Variants in ADAM32 observed in about 807,000 individuals in gnomAD.
The protein encoded by ADAM32 is ADAM metallopeptidase domain 32.
Under a neutral mutation model 114.9 loss-of-function variants are expected in ADAM32, and 89 were observed. The ratio of observed to expected loss-of-function variants is 0.77; its 90% CI spans 0.65 to 0.92. The LOEUF is 0.92. ADAM32 is among the 40% of genes least tolerant of loss of function. The pLI is 0.00. For synonymous variants in ADAM32, 285 were observed against 307.5 expected, an observed-to-expected ratio of 0.93 and a Z score of 0.77; for missense variants, 870 against 932.8, an observed-to-expected ratio of 0.93 and a Z score of 0.88.
intron 18 of ADAM32, among the ~76,000 whole-genome samples, chr8:39,254,966 G>A (rs186570805): frequency 6.6e-6 from 1 of 151,816 alleles, no homozygotes; most frequent in Admixed American, 6.6e-5. Flanking sequence ...TATGATATTT[G>A]GTTTTCCATT....
intron 3 of ADAM32, among the ~76,000 whole-genome samples, chr8:39,144,889 T>A (rs1803404832): frequency 6.6e-6 from 1 of 152,316 alleles, no homozygotes. Context: ...GCAGGTGACA[T>A]GATCTTATAT....
chr8:39,178,037 G>C (rs1409544338), intron 10 of ADAM32, among the ~76,000 whole-genome samples: 1 of 151,906 alleles, frequency 6.6e-6, no homozygotes, highest in East Asian at 1.9e-4. Context: ...GGGTTCTCTG[G>C]GTTTCCTGAA....
chr8:39,259,292 C>T lies in ADAM32; in HGVS notation c.2162+1949C>T, dbSNP rs181760752. 1.6e-4 allele frequency among the ~76,000 whole-genome samples: 24 copies of T among 151,988 alleles called. 1 individual carries two copies. The South Asian group carries it at 1.7e-3, about 11-fold the overall frequency. ...TTGGCTCACTGCAACCTTAGCTCGC[C>T]GGGTTCAAGTGATTCTCCTGCCCCA... On this transcript the variant is annotated intron_variant, in intron 19 of 24. Transcript: ENST00000379907.
At chr8:39,281,679 G>A (rs13265849) in intron 23 of ADAM32, among the ~76,000 whole-genome samples, 42,753 of 151,908 alleles carry the variant, frequency 0.28, 7,357 homozygotes, top group Non-Finnish European at 0.38. Flanking sequence ...TGTTAACAAG[G>A]GTTCTCTGAA....
intron 11 of ADAM32, among the ~76,000 whole-genome samples, chr8:39,195,680 T>C (rs905897962): frequency 4.6e-5 from 7 of 152,194 alleles, no homozygotes; most frequent in Non-Finnish European, 8.8e-5. Flanking sequence ...GTATATGTTC[T>C]TGGTATCTAT....
chr8:39,218,992 G>A (rs759685229), intron 12 of ADAM32, among the ~76,000 whole-genome samples: 12 of 152,114 alleles, frequency 7.9e-5, no homozygotes, highest in Non-Finnish European at 1.3e-4. Flanking sequence ...GATCCTTCCC[G>A]GATGGGGTCC....
At chr8:39,133,610 A>G (rs1802595534) in intron 2 of ADAM32, among the ~76,000 whole-genome samples, 1 of 152,104 alleles carries the variant, frequency 6.6e-6, no homozygotes, top group African/African-American at 2.4e-5. Flanking sequence ...TGTGAACACC[A>G]TTACGGGTGG....
In ADAM32 at chr8:39,284,412, T is replaced by C. The variant is rs61533269; in HGVS notation, c.2358-381T>C. On this transcript the variant is annotated intron_variant, in intron 24 of 24. Transcript: ENST00000379907. ...ACACACACACACACGTACACACACA[T>C]ACACACACACACGGAGTAATTGGCT... Among the ~76,000 whole-genome samples, 3 of 149,446 alleles carry C rather than the reference T, an allele frequency of 2.0e-5. 1 individual carries two copies. The South Asian group carries it at 6.3e-4, about 31-fold the overall frequency.
At chr8:39,273,999 T>A (rs929302332) in intron 20 of ADAM32, among the ~76,000 whole-genome samples, 2 of 143,860 alleles carry the variant, frequency 1.4e-5, no homozygotes, top group Non-Finnish European at 3.0e-5. Flanking sequence ...TGTTCTATGT[T>A]TAGAAATAGC....
chr8:39,197,572 C>T (rs927354787), intron 11 of ADAM32, among the ~76,000 whole-genome samples: 1 of 152,014 alleles, frequency 6.6e-6, no homozygotes, highest in African/African-American at 2.4e-5. Flanking sequence ...TATTCATTGA[C>T]CCAATGGTTA....
chr8:39,215,625 G>A (rs989748492), intron 12 of ADAM32, among the ~76,000 whole-genome samples: 3 of 151,860 alleles, frequency 2.0e-5, no homozygotes, highest in African/African-American at 7.2e-5. Flanking sequence ...AAATTTCCTT[G>A]TTAATCTCCT....
chr8:39,196,937 T>G (rs1176386651), intron 11 of ADAM32, among the ~76,000 whole-genome samples: 1 of 152,122 alleles, frequency 6.6e-6, no homozygotes, highest in Non-Finnish European at 1.5e-5. Flanking sequence ...TCCTTATATG[T>G]TTGATAGAAT....
intron 17 of ADAM32, among the ~76,000 whole-genome samples, chr8:39,249,568 T>G (rs1475989286): frequency 2.0e-5 from 3 of 152,330 alleles, no homozygotes; most frequent in African/African-American, 7.2e-5. Flanking sequence ...TAAGAGATTA[T>G]AGAAAATTGG....
chr8:39,204,217 T>A (rs972689879), intron 11 of ADAM32, among the ~76,000 whole-genome samples: 52 of 152,350 alleles, frequency 3.4e-4, no homozygotes, highest in African/African-American at 1.1e-3. Context: ...GATAATATCC[T>A]GCACAGTGTT....
At chr8:39,140,621 G>T (rs568973216) in intron 3 of ADAM32, among the ~76,000 whole-genome samples, 1 of 152,122 alleles carries the variant, frequency 6.6e-6, no homozygotes, top group East Asian at 1.9e-4. Context: ...TCTCTTTTTT[G>T]TGTGTGTCTC....
chr8:39,111,334 T>C (rs902990321), intron 1 of ADAM32, among the ~76,000 whole-genome samples: 14 of 152,210 alleles, frequency 9.2e-5, no homozygotes, highest in African/African-American at 3.4e-4. Context: ...CAATAATGAG[T>C]TGGCTATTCT....
intron 17 of ADAM32, among the ~76,000 whole-genome samples, chr8:39,248,979 T>C (rs991024219): frequency 6.6e-5 from 10 of 151,226 alleles, no homozygotes; most frequent in Non-Finnish European, 1.0e-4. Flanking sequence ...CTCGGCTCAC[T>C]GCAAGCTCTG....
chr8:39,166,496 C>T (rs538273578), intron 9 of ADAM32: 2 of 152,322 alleles, frequency 1.3e-5, no homozygotes, highest in South Asian at 4.1e-4. Flanking sequence ...CTGCTATAAA[C>T]ATGCGTGTCT....
chr8:39,107,773 A>G lies in ADAM32; in HGVS notation c.-3A>G, dbSNP rs1839984639. The G allele has an allele frequency of 1.9e-6, 3 of 1,550,396 alleles. No homozygotes were observed. Among genetic ancestry groups the G allele is most frequent in the East Asian group, 4.9e-5 (2 of 40,836 alleles). On this transcript the variant is annotated 5_prime_UTR_variant, in exon 1 of 25. Coordinates refer to ENST00000379907, the MANE Select transcript of ADAM32 (RefSeq NM_145004.7). ...TTCCCGCTGGCAGCCCCGAAGCCGC[A>G]CCATGTTCCGCCTCTGGTTGCTGCT...
Sources: gnomAD v4.1 joint callset for allele counts (sites outside exome capture counted in the v4.1 genomes callset) on GRCh38, gnomAD v4.1.1 for gene constraint, MANE v1.5 for transcripts, NCBI Gene and HGNC (gene_info 2026-07-23, HGNC 2026-07-21) for gene names.